ZDHHC15: variants seen among roughly 807,000 people sequenced by gnomAD.
ZDHHC15 encodes the protein palmitoyltransferase ZDHHC15.
In ZDHHC15, 19 loss-of-function variants were observed where a neutral mutation model predicts 31.7. That is an observed-to-expected ratio of 0.60 (90% CI 0.42 to 0.88). ZDHHC15 has a LOEUF of 0.88. Ranked by LOEUF, ZDHHC15 falls within the 40% of genes least tolerant of loss-of-function variation. ZDHHC15 has a pLI of 0.00. For missense variants in ZDHHC15, 209 were observed against 251.2 expected (o/e 0.83, Z 1.14); for synonymous variants, 103 against 90.0 (o/e 1.14, Z -0.82).
rs181544262 is a variant in ZDHHC15, at chrX:75,483,629, C to T, written c.164-4644G>A. Among the ~76,000 whole-genome samples the T allele has an allele frequency of 4.5e-5, 5 of 111,817 alleles. No individual in the cohort carries two copies. In the Admixed American group the frequency reaches 4.8e-4, roughly 11 times the overall value. On this transcript the variant is annotated intron_variant, in intron 2 of 11. Transcript: ENST00000373367. ...TTATTTCTAGTCCTCTTGTTGATAA[C>T]GCCTACCCACAAGTTTCATTGATTC...
chrX:75,456,839 C>A (rs1362052079), intron 3 of ZDHHC15, among the ~76,000 whole-genome samples: 1 of 111,435 alleles, frequency 9.0e-6, no homozygotes, highest in Non-Finnish European at 1.9e-5. Context: ...CCTGTCAAGG[C>A]CACATACTGT....
chrX:75,478,258 C>T lies in ZDHHC15; in HGVS notation c.258+633G>A, dbSNP rs544540790. The stretch of plus-strand genomic sequence containing the variant: ...GAGTCTCACTGGAATGAAATAACAG[C>T]ACTAAATAAATAAAATAATCACTGG... On this transcript the variant is annotated intron_variant, in intron 3 of 11. Coordinates refer to ENST00000373367, the MANE Select transcript of ZDHHC15 (RefSeq NM_144969.3). Among the ~76,000 whole-genome samples, 12 of 111,946 alleles carry T rather than the reference C, an allele frequency of 1.1e-4. 1 individual carries two copies. In the South Asian group the frequency reaches 4.4e-3, roughly 41 times the overall value.
intron 10 of ZDHHC15, among the ~76,000 whole-genome samples, chrX:75,380,257 A>G (rs1424948315): frequency 8.9e-6 from 1 of 112,322 alleles, no homozygotes; most frequent in Non-Finnish European, 1.9e-5. Flanking sequence ...ATTTCTACTA[A>G]GAAGGCAACT....
chrX:75,421,407 A>AT (rs1219838611), intron 9 of ZDHHC15, among the ~76,000 whole-genome samples: 813 of 10,393 alleles, frequency 0.078, 17 homozygotes, highest in Non-Finnish European at 0.28. Flanking sequence ...TATTATATAT[A>AT]TATAATATAT....
chrX:75,505,624 C>T (rs983296556), intron 2 of ZDHHC15, among the ~76,000 whole-genome samples, 197 bp downstream of exon 2: 3 of 111,140 alleles, frequency 2.7e-5, no homozygotes, highest in Non-Finnish European at 5.7e-5. Flanking sequence ...CCAATTCTTG[C>T]CCTACAGCCA....
At chrX:75,431,050 T>A (rs2083774192) in intron 5 of ZDHHC15, among the ~76,000 whole-genome samples, 1 of 111,695 alleles carries the variant, frequency 9.0e-6, no homozygotes, top group Non-Finnish European at 1.9e-5. Context: ...ATAAAGGACA[T>A]TATGGAAAAA....
chrX:75,429,840 T>G (rs1236227028), intron 6 of ZDHHC15, 108 bp downstream of exon 6: 3 of 808,194 alleles, frequency 3.7e-6, no homozygotes, highest in Non-Finnish European at 5.3e-6. Flanking sequence ...TAAAACCCAG[T>G]GAATTATGGT....
intron 1 of ZDHHC15, among the ~76,000 whole-genome samples, chrX:75,519,850 C>A (rs1345267861): frequency 8.9e-6 from 1 of 111,880 alleles, no homozygotes; most frequent in Non-Finnish European, 1.9e-5. Context: ...GCAGGAGGGA[C>A]TGGTTCAGCC....
intron 2 of ZDHHC15, among the ~76,000 whole-genome samples, chrX:75,495,634 A>C (rs1322441350): frequency 9.1e-6 from 1 of 110,346 alleles, no homozygotes; most frequent in Non-Finnish European, 1.9e-5. Context: ...CTTTGTAGAG[A>C]CATGGATGAA....
intron 4 of ZDHHC15, among the ~76,000 whole-genome samples, chrX:75,446,016 C>G (rs1243366586): frequency 1.8e-5 from 2 of 111,210 alleles, no homozygotes; most frequent in Non-Finnish European, 3.8e-5. Context: ...GAATCAAGTC[C>G]TAACAGATCC....
chrX:75,379,344 C>T lies in ZDHHC15; in HGVS notation c.968-146G>A, dbSNP rs182970417. The T allele has an allele frequency of 1.3e-3, 697 of 520,351 alleles. 1 individual carries two copies. Among genetic ancestry groups the T allele is most frequent in the Non-Finnish European group, 1.5e-3 (460 of 307,715 alleles). The allele number at this position is 520,351 out of a possible 1,213,427, so 42.9% of individuals were successfully genotyped here. ...TAAAGACTGATGTGTAACACAGAAG[C>T]ATTTGTAACCAGACATTCACATTCT... On this transcript the variant is annotated intron_variant, in intron 10 of 11. Coordinates refer to ENST00000373367, the MANE Select transcript of ZDHHC15 (RefSeq NM_144969.3).
intron 10 of ZDHHC15, among the ~76,000 whole-genome samples, chrX:75,404,051 A>G (rs1260608748): frequency 9.0e-6 from 1 of 111,682 alleles, no homozygotes; most frequent in African/African-American, 3.3e-5. Flanking sequence ...GGAACACAAT[A>G]GAGAGCCCAG....
intron 1 of ZDHHC15, among the ~76,000 whole-genome samples, chrX:75,513,464 A>G (rs1401025596): frequency 9.0e-6 from 1 of 111,293 alleles, no homozygotes; most frequent in East Asian, 2.8e-4. Context: ...AGACTTGGTG[A>G]AGAAAAGAAC....
intron 2 of ZDHHC15, among the ~76,000 whole-genome samples, chrX:75,487,749 A>T (rs1014079472): frequency 2.7e-5 from 3 of 112,272 alleles, no homozygotes; most frequent in African/African-American, 9.7e-5. Context: ...GCACCAGACA[A>T]AGGTGAAAAC....
chrX:75,390,503 C>G (rs1411570635), intron 10 of ZDHHC15, among the ~76,000 whole-genome samples: 1 of 111,538 alleles, frequency 9.0e-6, no homozygotes, highest in Non-Finnish European at 1.9e-5. Flanking sequence ...CAGCTCAGCA[C>G]AGAAAGAGAC....
intron 10 of ZDHHC15, among the ~76,000 whole-genome samples, chrX:75,392,964 AAACC>A (rs1335627189): frequency 1.0e-4 from 11 of 108,751 alleles, no homozygotes; most frequent in African/African-American, 2.7e-4. Flanking sequence ...AAAGTGACCC[AAACC>A]TTCATTCCTG....
At chrX:75,450,594 G>A in intron 4 of ZDHHC15, 2 of 741,665 alleles carry the variant, frequency 2.7e-6, no homozygotes, top group Non-Finnish European at 3.8e-6. Context: ...GAAGAATCCA[G>A]TTTGGGGTAT....
At chrX:75,521,825 G>A (rs2085446194) in intron 1 of ZDHHC15, among the ~76,000 whole-genome samples, 1 of 111,621 alleles carries the variant, frequency 9.0e-6, no homozygotes, top group African/African-American at 3.3e-5. Context: ...GGAAGTGGAT[G>A]GCAGAATGTG....
chrX:75,437,450 C>T (rs1309284843), intron 4 of ZDHHC15, among the ~76,000 whole-genome samples: 7 of 64,617 alleles, frequency 1.1e-4, no homozygotes, highest in African/African-American at 4.2e-4. Flanking sequence ...CCCCACCCCA[C>T]AACAGTCCCC....
Sources: allele counts gnomAD v4.1 joint callset (sites outside exome capture counted in the v4.1 genomes callset), GRCh38; gene constraint gnomAD v4.1.1; transcripts MANE v1.5; gene names NCBI Gene and HGNC (gene_info 2026-07-23, HGNC 2026-07-21).